The following ASZ1 variants were observed in gnomAD, a reference collection of about 807,000 sequenced individuals.
The protein encoded by ASZ1 is ankyrin repeat, SAM and basic leucine zipper domain-containing protein 1.
In ASZ1, 67 loss-of-function variants were observed where a neutral mutation model predicts 61.8. The observed-to-expected ratio is 1.08, with a 90% CI of 0.89 to 1.33. The LOEUF (loss-of-function observed/expected upper bound fraction) is 1.33. Ranked by LOEUF, ASZ1 falls within the 40% of genes most tolerant of loss-of-function variation. ASZ1 has a pLI of 0.00. For synonymous variants in ASZ1, 193 were observed against 192.7 expected (o/e 1.00, Z -0.01); for missense variants, 577 against 554.5 (o/e 1.04, Z -0.41).
At chr7:117,416,541 A>G (rs1055180559) in intron 4 of ASZ1, among the ~76,000 whole-genome samples, 1 of 152,208 alleles carries the variant, frequency 6.6e-6, no homozygotes, top group Non-Finnish European at 1.5e-5. Flanking sequence ...TCACAAAAAT[A>G]CTCTATAATT....
At chr7:117,375,523 A>G (rs1796120884) in intron 10 of ASZ1, among the ~76,000 whole-genome samples, 1 of 152,052 alleles carries the variant, frequency 6.6e-6, no homozygotes, top group Admixed American at 6.6e-5. Flanking sequence ...TTAATTTTTG[A>G]GAGATTTGCT....
intron 6 of ASZ1, among the ~76,000 whole-genome samples, chr7:117,383,481 G>C (rs4730779): frequency 2.0e-5 from 3 of 151,720 alleles, no homozygotes; most frequent in African/African-American, 7.2e-5. Flanking sequence ...GATACATAGC[G>C]AAACTAAAAA....
intron 10 of ASZ1, among the ~76,000 whole-genome samples, chr7:117,371,703 A>G (rs1305977678): frequency 6.6e-6 from 1 of 152,138 alleles, no homozygotes; most frequent in Non-Finnish European, 1.5e-5. Flanking sequence ...TAAATATTCA[A>G]ATTTTATTTA....
chr7:117,372,184 G>A (rs980447657), intron 10 of ASZ1, among the ~76,000 whole-genome samples: 1 of 152,108 alleles, frequency 6.6e-6, no homozygotes, highest in Non-Finnish European at 1.5e-5. Flanking sequence ...ATATGACATA[G>A]GTATAGTAGA....
At chr7:117,380,344 C>T (rs566765892) in intron 9 of ASZ1, among the ~76,000 whole-genome samples, 1 of 151,670 alleles carries the variant, frequency 6.6e-6, no homozygotes, top group African/African-American at 2.4e-5. Context: ...CAAAAAAACA[C>T]AGTAAAACAA....
At chr7:117,397,262 A>G (rs1156744843) in intron 4 of ASZ1, among the ~76,000 whole-genome samples, 1 of 152,082 alleles carries the variant, frequency 6.6e-6, no homozygotes, top group East Asian at 1.9e-4. Context: ...AACCAAACGC[A>G]ATAAAAAACC....
chr7:117,421,433 T>C (rs1198129127), intron 3 of ASZ1, among the ~76,000 whole-genome samples: 1 of 152,178 alleles, frequency 6.6e-6, no homozygotes, highest in Non-Finnish European at 1.5e-5. Context: ...CAGGCTGATC[T>C]TGAACTCCTG....
chr7:117,370,804 TTGTGTGTGTGTGTGTGTGTG>T (rs3138784), intron 10 of ASZ1, among the ~76,000 whole-genome samples: 5 of 133,302 alleles, frequency 3.8e-5, no homozygotes, highest in East Asian at 2.2e-4. Flanking sequence ...CCAAAGGTAA[TTGTGTGTGTGTGTGTGTGTG>T]TGTGTGTGTG....
At chr7:117,368,081 TG>T in intron 11 of ASZ1, 3 of 358,616 alleles carry the variant, frequency 8.4e-6, no homozygotes, top group Non-Finnish European at 1.2e-5. Context: ...CATGCCATCA[TG>T]CGCAGCTAAT....
At chr7:117,427,248 A>T in intron 1 of ASZ1, 108 bp downstream of exon 1, 1 of 1,244,514 alleles carries the variant, frequency 8.0e-7, no homozygotes, top group East Asian at 2.3e-5. Flanking sequence ...ACTGGGTAAA[A>T]GGGAAATACA....
intron 10 of ASZ1, among the ~76,000 whole-genome samples, chr7:117,378,957 AT>A (rs1193058521): frequency 2.6e-5 from 4 of 151,524 alleles, no homozygotes; most frequent in Non-Finnish European, 4.4e-5. Flanking sequence ...GTATGATTCT[AT>A]TTATATAATA....
At chr7:117,374,209 T>C (rs1796097636) in intron 10 of ASZ1, among the ~76,000 whole-genome samples, 1 of 152,110 alleles carries the variant, frequency 6.6e-6, no homozygotes, top group African/African-American at 2.4e-5. Flanking sequence ...TTCTCTGAAC[T>C]CCAAAATAAT....
intron 5 of ASZ1, among the ~76,000 whole-genome samples, chr7:117,385,144 C>A (rs1289944102): frequency 2.0e-5 from 3 of 151,478 alleles, no homozygotes; most frequent in Non-Finnish European, 2.9e-5. Context: ...GGGTTTTCTA[C>A]AAAAAATAAT....
chr7:117,384,915 G>A (rs2116473504), intron 5 of ASZ1, 55 bp from the exon 6 acceptor site: 2 of 1,433,262 alleles, frequency 1.4e-6, no homozygotes, highest in Non-Finnish European at 1.9e-6. Flanking sequence ...ATATGAGACA[G>A]ACAGGAAAAG....
At chr7:117,395,301 C>T (rs1395044447) in intron 4 of ASZ1, among the ~76,000 whole-genome samples, 1 of 152,124 alleles carries the variant, frequency 6.6e-6, no homozygotes, top group African/African-American at 2.4e-5. Flanking sequence ...AGCATATTCT[C>T]AGTTTAAGAG....
At chr7:117,382,197 C>T (rs879563904) in intron 7 of ASZ1, 53 bp from the exon 8 acceptor site, 163 of 1,045,428 alleles carry the variant, frequency 1.6e-4, no homozygotes, top group Admixed American at 1.2e-3. Context: ...AATGCACAAG[C>T]GATAAATATA....
intron 1 of ASZ1, among the ~76,000 whole-genome samples, 194 bp from the exon 2 acceptor site, chr7:117,427,129 C>T (rs1465968496): frequency 2.0e-5 from 3 of 152,118 alleles, no homozygotes; most frequent in African/African-American, 4.8e-5. Context: ...CCAAACCCAA[C>T]TGAGGAGTTA....
In ASZ1 at chr7:117,427,390, C is replaced by G. The variant is rs901249873; in HGVS notation, c.71G>C (p.Gly24Ala). ...CCGGTCGAGATACCCAATCTCCCAG[C>G]CATCATCCTCGCTCTCGCTACTCTC... The part of the protein sequence containing the change: ...GGESSESEDD[G>A]WEIGYLDRTS... Residue 24 changes from glycine (G) to alanine (A), a missense_variant, in exon 1 of 13, where the codon GGC becomes GCC. Gly to Ala is a moderately conservative substitution (Grantham distance 60, BLOSUM62 0). Transcript: ENST00000284629. The G allele has an allele frequency of 6.2e-7, 1 of 1,614,230 alleles. No individual in the cohort carries two copies. Among genetic ancestry groups the G allele is most frequent in the Non-Finnish European group, 8.5e-7 (1 of 1,180,028 alleles).
intron 4 of ASZ1, among the ~76,000 whole-genome samples, chr7:117,405,675 C>A (rs1365526754): frequency 6.6e-6 from 1 of 152,174 alleles, no homozygotes; most frequent in Non-Finnish European, 1.5e-5. Context: ...AGGATTCTTT[C>A]CAACTTCCTA....
Sources: allele counts gnomAD v4.1 joint callset (sites outside exome capture counted in the v4.1 genomes callset), GRCh38; gene constraint gnomAD v4.1.1; transcripts MANE v1.5; gene names NCBI Gene and HGNC (gene_info 2026-07-23, HGNC 2026-07-21).